The following CATSPERT variants were observed in gnomAD, a reference collection of about 807,000 sequenced individuals.
CATSPERT encodes catsper channel auxiliary subunit tau.
the CATSPERT span, chr2:201,554,943 C>T: frequency 2.6e-5 from 4 of 152,160 alleles, no homozygotes; most frequent in African/African-American, 9.7e-5. Context: ...TCAAACTCAG[C>T]TCTTGACATA....
chr2:201,533,624 C>G, the CATSPERT span, among the ~76,000 whole-genome samples: 1 of 152,196 alleles, frequency 6.6e-6, no homozygotes, highest in Non-Finnish European at 1.5e-5. Context: ...TACTTCAAGC[C>G]TGAGCTTGAT....
the CATSPERT span, among the ~76,000 whole-genome samples, chr2:201,582,913 C>A: frequency 2.6e-5 from 4 of 152,172 alleles, no homozygotes; most frequent in Non-Finnish European, 4.4e-5. Context: ...TAGTGACTGT[C>A]TTCCCCCAAG....
chr2:201,607,048 C>CA, the CATSPERT span, among the ~76,000 whole-genome samples: 132,612 of 152,090 alleles, frequency 0.87, 58,949 homozygotes, highest in South Asian at 0.98. Flanking sequence ...AAAGTACACA[C>CA]AAAACAAGAA....
the CATSPERT span, among the ~76,000 whole-genome samples, chr2:201,529,618 T>C: frequency 4.6e-5 from 7 of 152,164 alleles, no homozygotes; most frequent in African/African-American, 2.4e-5. Context: ...AAGACTTATA[T>C]GTAAGATGTG....
the CATSPERT span, among the ~76,000 whole-genome samples, chr2:201,499,535 C>G: frequency 1.3e-5 from 2 of 152,146 alleles, no homozygotes; most frequent in Non-Finnish European, 2.9e-5. Context: ...CTGCTGCCTT[C>G]AAAACAGATC....
At chr2:201,608,144 A>G in the CATSPERT span, among the ~76,000 whole-genome samples, 3 of 152,166 alleles carry the variant, frequency 2.0e-5, no homozygotes, top group African/African-American at 7.2e-5. Context: ...TGCCTCCAGC[A>G]TAATTTTTTT....
the CATSPERT span, among the ~76,000 whole-genome samples, chr2:201,505,134 C>T: frequency 2.0e-5 from 3 of 152,108 alleles, no homozygotes; most frequent in Non-Finnish European, 4.4e-5. Context: ...AAGTATCTCT[C>T]TGTTGCCCAG....
chr2:201,619,133 C>T, the CATSPERT span: 1 of 1,614,008 alleles, frequency 6.2e-7, no homozygotes, highest in Admixed American at 1.7e-5. Flanking sequence ...GGCTCCATCT[C>T]TCCATCTTCT....
the CATSPERT span, among the ~76,000 whole-genome samples, chr2:201,508,433 AT>A: frequency 6.6e-6 from 1 of 152,264 alleles, no homozygotes; most frequent in Admixed American, 6.5e-5. Flanking sequence ...ATTTCCTACA[AT>A]TGTGGTTTTT....
the CATSPERT span, among the ~76,000 whole-genome samples, chr2:201,594,864 C>T: frequency 6.6e-6 from 1 of 152,112 alleles, no homozygotes; most frequent in Non-Finnish European, 1.5e-5. Flanking sequence ...ATTGTTTATT[C>T]TAGTTATACA....
At chr2:201,556,583 T>G in the CATSPERT span, among the ~76,000 whole-genome samples, 6 of 151,632 alleles carry the variant, frequency 4.0e-5, 1 homozygote, top group South Asian at 1.2e-3. Flanking sequence ...TCCCAGCACT[T>G]TGAGAGCCCA....
chr2:201,580,078 C>T, the CATSPERT span, among the ~76,000 whole-genome samples: 7 of 152,204 alleles, frequency 4.6e-5, no homozygotes, highest in African/African-American at 1.4e-4. Context: ...AACTACTGGC[C>T]TCAACAACTC....
the CATSPERT span, chr2:201,493,738 A>G: frequency 1.3e-6 from 2 of 1,537,218 alleles, no homozygotes; most frequent in Non-Finnish European, 1.7e-6. Context: ...TGCAGTGAAT[A>G]TTTGCCTCAT....
At chr2:201,604,837 C>T in the CATSPERT span, 1 of 442,638 alleles carries the variant, frequency 2.3e-6, no homozygotes, top group Non-Finnish European at 3.9e-6. Flanking sequence ...TTAAGAAACT[C>T]ATCCCTATCC....
chr2:201,594,590 A>C, the CATSPERT span, among the ~76,000 whole-genome samples: 1 of 151,998 alleles, frequency 6.6e-6, no homozygotes, highest in South Asian at 2.1e-4. Flanking sequence ...ACTTGGTTCC[A>C]TTCTCCCCGT....
chr2:201,556,503 A>G, the CATSPERT span, among the ~76,000 whole-genome samples: 4 of 130,076 alleles, frequency 3.1e-5, no homozygotes, highest in Non-Finnish European at 4.9e-5. Context: ...GCAAGACTCC[A>G]CTTCAAAAAG....
the CATSPERT span, among the ~76,000 whole-genome samples, chr2:201,589,720 A>G: frequency 6.6e-6 from 1 of 152,184 alleles, no homozygotes; most frequent in Non-Finnish European, 1.5e-5. Context: ...CATCATGAAG[A>G]CACCAAAAGC....
At chr2:201,581,524 A>G in the CATSPERT span, among the ~76,000 whole-genome samples, 190 of 81,568 alleles carry the variant, frequency 2.3e-3, 2 homozygotes, top group African/African-American at 0.01. Flanking sequence ...ATATATATAT[A>G]AAATATTCTG....
At chr2:201,545,603 C>T in the CATSPERT span, 9 of 1,263,248 alleles carry the variant, frequency 7.1e-6, no homozygotes, top group Non-Finnish European at 9.4e-6. Flanking sequence ...TTTTCAGATG[C>T]CTCATCTATA....
Sources: allele counts gnomAD v4.1 joint callset (sites outside exome capture counted in the v4.1 genomes callset), GRCh38; gene constraint gnomAD v4.1.1; transcripts MANE v1.5; gene names NCBI Gene and HGNC (gene_info 2026-07-23, HGNC 2026-07-21).